Variants in SPDYA observed in about 807,000 individuals in gnomAD.
The protein encoded by SPDYA is speedy protein A.
A neutral mutation model predicts 36.7 loss-of-function variants in SPDYA; 11 were observed. The ratio of observed to expected loss-of-function variants is 0.30; its 90% CI spans 0.19 to 0.50. The LOEUF is 0.50. Ranked by LOEUF, SPDYA falls within the 20% of genes least tolerant of loss-of-function variation. SPDYA has a pLI of 0.98. For missense variants in SPDYA, 287 were observed against 370.9 expected (o/e 0.77, Z 1.86); for synonymous variants, 115 against 118.7 (o/e 0.97, Z 0.20).
chr2:28,828,221 A>C (rs888846210), intron 5 of SPDYA, among the ~76,000 whole-genome samples: 4 of 152,054 alleles, frequency 2.6e-5, no homozygotes, highest in African/African-American at 9.7e-5. Flanking sequence ...TCCTGGCCTC[A>C]AGCAATCCGC....
intron 6 of SPDYA, among the ~76,000 whole-genome samples, chr2:28,839,298 A>T (rs150087459): frequency 0.015 from 2,309 of 152,314 alleles, 25 homozygotes; most frequent in Middle Eastern, 0.027. Flanking sequence ...TGCCTGGAAG[A>T]TAGTGAGGCT....
intron 2 of SPDYA, among the ~76,000 whole-genome samples, chr2:28,815,095 A>G (rs1667951931): frequency 6.6e-6 from 1 of 152,170 alleles, no homozygotes; most frequent in African/African-American, 2.4e-5. Flanking sequence ...CAGCCTGGGC[A>G]ACATAGTGAG....
At chr2:28,815,459 G>A (rs1667961138) in intron 2 of SPDYA, among the ~76,000 whole-genome samples, 1 of 151,944 alleles carries the variant, frequency 6.6e-6, no homozygotes, top group South Asian at 2.1e-4. Context: ...AATGCTTATT[G>A]AATAAGTGAA....
intron 1 of SPDYA, among the ~76,000 whole-genome samples, chr2:28,812,154 T>G (rs1220617360): frequency 1.3e-5 from 2 of 152,096 alleles, no homozygotes; most frequent in Non-Finnish European, 2.9e-5. Context: ...ATCTAGAAAA[T>G]AAGGATAAAA....
At chr2:28,826,928 A>G (rs976353478) in intron 5 of SPDYA, among the ~76,000 whole-genome samples, 23 of 105,874 alleles carry the variant, frequency 2.2e-4, no homozygotes, top group African/African-American at 7.5e-4. Context: ...CATCTTTGCT[A>G]TTTTCTTTTT....
chr2:28,827,577 A>G (rs1256261231), intron 5 of SPDYA, among the ~76,000 whole-genome samples: 1 of 151,640 alleles, frequency 6.6e-6, no homozygotes, highest in Non-Finnish European at 1.5e-5. Context: ...GTCATCTGTG[A>G]GACTTGTACT....
chr2:28,843,811 T>C (rs566570170), intron 7 of SPDYA, among the ~76,000 whole-genome samples: 2 of 152,264 alleles, frequency 1.3e-5, no homozygotes, highest in South Asian at 4.1e-4. Context: ...CCCAGTTCTA[T>C]CTGAATATAT....
rs1407501399 is a variant in SPDYA, at chr2:28,819,846, AAAAATATATATATATATATATATATATAT to A, written c.294+742_294+770del. Among the ~76,000 whole-genome samples the A allele has an allele frequency of 9.2e-4, 25 of 27,080 alleles. 3 individuals carry two copies. In the East Asian group the frequency reaches 0.015, roughly 16 times the overall value. 17.8% of individuals were successfully genotyped at this position (27,080 alleles called of 152,430 possible). A position where few individuals can be genotyped will look rare whatever the true frequency, so the allele number is the denominator to read the frequency against. ...AAAAAAAAAAAAAAAAAAAAAAAAA[AAAAATATATATATATATATATATATATAT>A]ATATATATATATATATATATATATA... On this transcript the variant is annotated intron_variant, in intron 4 of 7. Coordinates refer to ENST00000334056, the MANE Select transcript of SPDYA (RefSeq NM_182756.4).
intron 4 of SPDYA, among the ~76,000 whole-genome samples, chr2:28,821,008 G>A (rs1192458524): frequency 1.3e-5 from 2 of 152,006 alleles, no homozygotes; most frequent in Middle Eastern, 3.4e-3. Context: ...CACCAAAAAC[G>A]ATTATTTTGA....
At chr2:28,833,400 C>T (rs2148096391) in intron 6 of SPDYA, among the ~76,000 whole-genome samples, 1 of 152,292 alleles carries the variant, frequency 6.6e-6, no homozygotes, top group Admixed American at 6.5e-5. Flanking sequence ...TTTGCACTTA[C>T]TATTCCCATA....
At chr2:28,840,050 T>C (rs887883653) in intron 6 of SPDYA, 122 bp from the exon 7 acceptor site, 1 of 898,642 alleles carries the variant, frequency 1.1e-6, no homozygotes, top group Non-Finnish European at 1.6e-6. Flanking sequence ...GTTTTTTAAA[T>C]CAGCAATTTG....
At chr2:28,825,955 G>T (rs1454312395) in intron 5 of SPDYA, among the ~76,000 whole-genome samples, 1 of 151,776 alleles carries the variant, frequency 6.6e-6, no homozygotes, top group Non-Finnish European at 1.5e-5. Context: ...ATGTTGCCCA[G>T]ACTGGTCTCA....
intron 7 of SPDYA, 71 bp from the exon 8 acceptor site, chr2:28,849,779 A>G: frequency 1.2e-6 from 1 of 844,654 alleles, no homozygotes; most frequent in African/African-American, 1.8e-5. Flanking sequence ...AGACATATAC[A>G]AGCCATTATA....
At chr2:28,812,806 G>A (rs900089922) in intron 1 of SPDYA, among the ~76,000 whole-genome samples, 2 of 140,220 alleles carry the variant, frequency 1.4e-5, no homozygotes, top group Admixed American at 1.5e-4. Flanking sequence ...GCAGTGAGCC[G>A]AGATCGAGCC....
At chr2:28,837,506 T>C (rs1558329847) in intron 6 of SPDYA, among the ~76,000 whole-genome samples, 2 of 152,208 alleles carry the variant, frequency 1.3e-5, no homozygotes, top group African/African-American at 4.8e-5. Flanking sequence ...TAAATGATGC[T>C]TCGAGTATTT....
intron 1 of SPDYA, among the ~76,000 whole-genome samples, chr2:28,813,969 G>A (rs1485055847): frequency 6.6e-6 from 1 of 152,168 alleles, no homozygotes; most frequent in Admixed American, 6.5e-5. Flanking sequence ...AAGTCTCAAG[G>A]CTCAATTTAT....
At chr2:28,839,467 A>G (rs1452644217) in intron 6 of SPDYA, among the ~76,000 whole-genome samples, 5 of 152,256 alleles carry the variant, frequency 3.3e-5, no homozygotes, top group African/African-American at 1.2e-4. Flanking sequence ...TAAGATTACC[A>G]TAACACACAT....
intron 1 of SPDYA, among the ~76,000 whole-genome samples, chr2:28,812,851 C>A (rs1335248603): frequency 8.8e-6 from 1 of 113,834 alleles, no homozygotes; most frequent in Non-Finnish European, 1.8e-5. Context: ...GAGCGAAACT[C>A]CGTCTCAAAA....
chr2:28,850,606 C>A lies in SPDYA; in HGVS notation c.*665C>A. The A allele has an allele frequency of 2.0e-6, 1 of 508,044 alleles. No homozygotes were observed. The allele number at this position is 508,044 out of a possible 1,614,324, so 31.5% of individuals were successfully genotyped here. ...ATGTAATAAACATATGATTTTATAA[C>A]CAAATGGATAAGCCTATATCATAAA... On this transcript the variant is annotated 3_prime_UTR_variant, in exon 8 of 8. Transcript: ENST00000334056.
Sources: gnomAD v4.1 joint callset for allele counts (sites outside exome capture counted in the v4.1 genomes callset) on GRCh38, gnomAD v4.1.1 for gene constraint, MANE v1.5 for transcripts, NCBI Gene and HGNC (gene_info 2026-07-23, HGNC 2026-07-21) for gene names.